The following EFCAB6 variants were observed in gnomAD, a reference collection of about 807,000 sequenced individuals.
EFCAB6 encodes EF-hand calcium-binding domain-containing protein 6.
EFCAB6 carries 156 observed loss-of-function variants against 169.8 expected under a neutral mutation model. The observed-to-expected ratio is 0.92, with a 90% CI of 0.81 to 1.05. The LOEUF (loss-of-function observed/expected upper bound fraction) is 1.05. EFCAB6 is among the 50% of genes least tolerant of loss of function. The pLI, the probability that EFCAB6 is intolerant of heterozygous loss-of-function variation, is 0.00. For missense variants in EFCAB6, 1,800 were observed against 1,829.1 expected, an observed-to-expected ratio of 0.98 and a Z score of 0.29; for synonymous variants, 698 against 676.4, an observed-to-expected ratio of 1.03 and a Z score of -0.50.
At chr22:43,612,514 G>C (rs1378158194) in intron 21 of EFCAB6, among the ~76,000 whole-genome samples, 1 of 152,014 alleles carries the variant, frequency 6.6e-6, no homozygotes, top group Non-Finnish European at 1.5e-5. Flanking sequence ...ACAATCATAT[G>C]AAAAAAAGCT....
chr22:43,638,417 G>T, intron 17 of EFCAB6, among the ~76,000 whole-genome samples: 1 of 152,128 alleles, frequency 6.6e-6, no homozygotes, highest in East Asian at 1.9e-4. Flanking sequence ...CCAGATAGTC[G>T]TCACTCCGGC....
intron 26 of EFCAB6, among the ~76,000 whole-genome samples, chr22:43,564,145 G>A (rs1221462668): frequency 6.6e-6 from 1 of 152,166 alleles, no homozygotes; most frequent in Non-Finnish European, 1.5e-5. Flanking sequence ...CATCCCCCAT[G>A]CACTTTAGGA....
chr22:43,669,061 T>C lies in EFCAB6; in HGVS notation c.1641-16A>G. The stretch of plus-strand genomic sequence containing the variant: ...ACTGCAGAGTCTGAATTTTAAAAAA[T>C]AATTAAAACACACTCAGTAGAGTAA... On this transcript the variant is annotated splice_polypyrimidine_tract_variant and intron_variant, in intron 15 of 31. Transcript: ENST00000262726. 6.3e-7 allele frequency: 1 copy of C among 1,589,768 alleles called. No homozygotes were observed. The highest frequency in any genetic ancestry group is 1.2e-5 in the South Asian group (1 of 85,404).
intron 10 of EFCAB6, among the ~76,000 whole-genome samples, chr22:43,703,378 C>T (rs1189487929): frequency 6.6e-6 from 1 of 152,134 alleles, no homozygotes; most frequent in Non-Finnish European, 1.5e-5. Context: ...CCAAAGAACA[C>T]CTGTAAAAGC....
Position 43,765,330 on chromosome 22 carries a change from C to A in EFCAB6, c.415G>T (p.Asp139Tyr), listed in dbSNP as rs2061293286. The A allele has an allele frequency of 1.2e-6, 2 of 1,612,406 alleles. No individual in the cohort carries two copies. The highest frequency in any genetic ancestry group is 2.2e-5 in the South Asian group (2 of 90,972). ...LAFLSRFGGI[D>Y]LYINGIKRGG... is the part of the protein sequence containing the mutation. ...CTCTTTATACCATTTATATATAGGT[C>A]AATTCCACCAAACCTGGACAGAAAG... Residue 139 changes from aspartate (D) to tyrosine (Y), a missense_variant, in exon 5 of 32, where the codon GAC (aspartate) becomes TAC (tyrosine). Asp to Tyr is a radical substitution (Grantham distance 160). Transcript: ENST00000262726.
chr22:43,668,895 C>T lies in EFCAB6; in HGVS notation c.1791G>A (p.Gln597=). The change falls in exon 16 of 32, where the codon CAG becomes CAA. Residue 597 remains glutamine, a synonymous_variant. Transcript: ENST00000262726. Reference sequence around the variant, plus strand: ...ACCTCTCAGAAAGATCTGGCTGCTGCTGTTCATCTTTTTGTAAATGTTCAC... The same window carrying T: ...ACCTCTCAGAAAGATCTGGCTGCTGTTGTTCATCTTTTTGTAAATGTTCAC... ...LLSEHLQKDE[Q]QQPDLSERTK... is the part of the protein sequence containing the mutation. The T allele has an allele frequency of 6.2e-7, 1 of 1,606,768 alleles. No homozygotes were observed. The highest frequency in any genetic ancestry group is 8.5e-7 in the Non-Finnish European group (1 of 1,176,684).
chr22:43,730,399 T>C (rs1420661258), intron 8 of EFCAB6, among the ~76,000 whole-genome samples: 1 of 150,168 alleles, frequency 6.7e-6, no homozygotes, highest in East Asian at 2.0e-4. Context: ...TCAGACTAAG[T>C]ACCAGAGGGC....
chr22:43,538,980 C>T (rs894867270), intron 28 of EFCAB6, among the ~76,000 whole-genome samples: 1 of 152,178 alleles, frequency 6.6e-6, no homozygotes, highest in Non-Finnish European at 1.5e-5. Flanking sequence ...TTTCCAGAGG[C>T]TTCTCACAAT....
chr22:43,605,359 A>G (rs1238038878), intron 22 of EFCAB6, among the ~76,000 whole-genome samples: 1 of 152,112 alleles, frequency 6.6e-6, no homozygotes, highest in Non-Finnish European at 1.5e-5. Context: ...AAAACTCCAC[A>G]AGGGGCCAGG....
intron 15 of EFCAB6, 138 bp downstream of exon 15, chr22:43,671,835 T>A: frequency 2.0e-6 from 2 of 1,021,798 alleles, no homozygotes; most frequent in South Asian, 3.4e-5. Context: ...TGTCCAGTGC[T>A]AAGCAAGGAT....
chr22:43,618,037 G>C (rs1278494091), intron 20 of EFCAB6, among the ~76,000 whole-genome samples: 1 of 150,758 alleles, frequency 6.6e-6, no homozygotes. Flanking sequence ...GGGAGGCGGA[G>C]GTTGCAGTGA....
At chr22:43,759,877 G>C (rs1484411426) in intron 5 of EFCAB6, 2 of 152,178 alleles carry the variant, frequency 1.3e-5, no homozygotes, top group Non-Finnish European at 2.9e-5. Context: ...TTCACTGTAT[G>C]TTATCAATGG....
rs772596046 is a variant in EFCAB6 at position 43,735,936 on chromosome 22, T to G, written c.565A>C (p.Thr189Pro). ...AGCTCCTGCGGTCGAACCAGTCCAG[T>G]CTTGTTAACATCAATGAGCTCAAAG... ...KAFELIDVNKTGLVRPQELRR... is the reference protein window; with the variant it reads ...KAFELIDVNKPGLVRPQELRR... Residue 189 changes from threonine to proline, a missense_variant, in exon 7 of 32, where the codon ACT (threonine) becomes CCT (proline). By Grantham distance (38) the Thr-to-Pro change is conservative. Transcript: ENST00000262726. 1 of 1,614,164 alleles carries G rather than the reference T, an allele frequency of 6.2e-7. No individual in the cohort carries two copies. Among genetic ancestry groups the G allele is most frequent in the Non-Finnish European group, 8.5e-7 (1 of 1,180,030 alleles).
intron 9 of EFCAB6, among the ~76,000 whole-genome samples, chr22:43,715,427 C>T (rs2059298976): frequency 6.6e-6 from 1 of 152,214 alleles, no homozygotes; most frequent in African/African-American, 2.4e-5. Context: ...CAGCAAAGCA[C>T]TGGCAACACT....
At chr22:43,631,993 T>TC in intron 19 of EFCAB6, 112 bp downstream of exon 19, 1 of 1,436,842 alleles carries the variant, frequency 7.0e-7, no homozygotes, top group Non-Finnish European at 9.3e-7. Flanking sequence ...ATGCTCTGTG[T>TC]CCCTTGGGCT....
rs1182655215 is a variant in EFCAB6, at chr22:43,735,916, C to T, written c.585G>A (p.Gln195=). Residue 195 remains glutamine (Q), a synonymous_variant, in exon 7 of 32, where the codon CAG becomes CAA. Coordinates refer to ENST00000262726, the MANE Select transcript of EFCAB6 (RefSeq NM_022785.4). ...AGGTCTCCAGAACCCTTCTTAGCTC[C>T]TGCGGTCGAACCAGTCCAGTCTTGT... The part of the protein sequence containing the change: ...DVNKTGLVRP[Q]ELRRVLETFC... The T allele has an allele frequency of 6.2e-7, 1 of 1,614,176 alleles. No homozygotes were observed. Among genetic ancestry groups the T allele is most frequent in the Admixed American group, 1.7e-5 (1 of 60,026 alleles).
intron 27 of EFCAB6, among the ~76,000 whole-genome samples, chr22:43,541,540 A>C (rs922843990): frequency 1.3e-5 from 2 of 152,190 alleles, no homozygotes; most frequent in Non-Finnish European, 2.9e-5. Flanking sequence ...GTGCGGTCTG[A>C]TGTCATTTTA....
intron 1 of EFCAB6, among the ~76,000 whole-genome samples, chr22:43,811,831 T>C (rs955633093): frequency 6.6e-6 from 1 of 152,104 alleles, no homozygotes; most frequent in Non-Finnish European, 1.5e-5. Flanking sequence ...TGGAGAGATT[T>C]AGGGCGTTTC....
At chr22:43,581,655 G>A (rs1168355676) in intron 24 of EFCAB6, among the ~76,000 whole-genome samples, 2 of 152,216 alleles carry the variant, frequency 1.3e-5, no homozygotes, top group African/African-American at 2.4e-5. Flanking sequence ...GCAGCATTGG[G>A]CTCAAGTGTC....
Sources: gnomAD v4.1 joint callset for allele counts (sites outside exome capture counted in the v4.1 genomes callset) on GRCh38, gnomAD v4.1.1 for gene constraint, MANE v1.5 for transcripts, NCBI Gene and HGNC (gene_info 2026-07-23, HGNC 2026-07-21) for gene names.